The following MYO10 variants were observed in gnomAD, a reference collection of about 807,000 sequenced individuals.
MYO10 encodes unconventional myosin-X.
Under a neutral mutation model 257.3 loss-of-function variants are expected in MYO10, and 133 were observed. The ratio of observed to expected loss-of-function variants is 0.52; its 90% CI spans 0.45 to 0.60. The LOEUF (loss-of-function observed/expected upper bound fraction) is 0.60. Ranked by LOEUF, MYO10 falls within the 20% of genes least tolerant of loss-of-function variation. MYO10 has a pLI of 0.00. For synonymous variants in MYO10, 1,104 were observed against 1,028.6 expected, an observed-to-expected ratio of 1.07 and a Z score of -1.40; for missense variants, 2,399 against 2,635.7, an observed-to-expected ratio of 0.91 and a Z score of 1.97.
intron 10 of MYO10, among the ~76,000 whole-genome samples, chr5:16,767,263 T>A (rs980158851): frequency 6.8e-6 from 1 of 147,964 alleles, no homozygotes; most frequent in Admixed American, 6.9e-5. Context: ...CTCCGCGTCC[T>A]GGGTTCAAGC....
chr5:16,695,289 G>A (rs557682399), intron 26 of MYO10, among the ~76,000 whole-genome samples: 9 of 152,248 alleles, frequency 5.9e-5, no homozygotes, highest in African/African-American at 2.2e-4. Context: ...AGCAGAGATT[G>A]TACCACTAGA....
At chr5:16,874,523 A>G (rs1447731765) in intron 2 of MYO10, among the ~76,000 whole-genome samples, 1 of 152,138 alleles carries the variant, frequency 6.6e-6, no homozygotes, top group Non-Finnish European at 1.5e-5. Flanking sequence ...TCAAGTTTGA[A>G]GTTCCAGAAA....
chr5:16,785,002 T>C (rs1041089507), intron 4 of MYO10, among the ~76,000 whole-genome samples: 1 of 151,800 alleles, frequency 6.6e-6, no homozygotes, highest in Non-Finnish European at 1.5e-5. Context: ...AGGGGAGGTT[T>C]GCGCGCACAC....
chr5:16,714,366 A>C lies in MYO10; in HGVS notation c.1930-3121T>G, dbSNP rs78180108. On this transcript the variant is annotated intron_variant, in intron 19 of 40. Coordinates refer to ENST00000513610, the MANE Select transcript of MYO10 (RefSeq NM_012334.3). ...CAGTCAACAGGATGGGATGGAACAG[A>C]GGGGGAAGGACCTGGGTGGAAGATG... 5.3e-3 allele frequency among the ~76,000 whole-genome samples: 800 copies of C among 152,068 alleles called. 11 individuals are homozygous for C. Among genetic ancestry groups the C allele is most frequent in the African/African-American group, 0.019 (770 of 41,470 alleles).
chr5:16,684,343 A>C (rs1212010910), intron 29 of MYO10, among the ~76,000 whole-genome samples: 1 of 152,114 alleles, frequency 6.6e-6, no homozygotes, highest in East Asian at 1.9e-4. Context: ...TCCAGGTTCA[A>C]GTGATTCTCG....
In MYO10 at chr5:16,663,905, G is replaced by C. The variant is rs1366388117; in HGVS notation, c.*2787C>G. 1 of 128,060 alleles carries C rather than the reference G, an allele frequency of 7.8e-6. No individual in the cohort carries two copies. Among genetic ancestry groups the C allele is most frequent in the East Asian group, 2.6e-4 (1 of 3,788 alleles). 7.9% of individuals were successfully genotyped at this position (128,060 alleles called of 1,614,324 possible). On this transcript the variant is annotated 3_prime_UTR_variant, in exon 41 of 41. Transcript: ENST00000513610. ...TGTATCCTCAGGGGTGGGGGGAGGG[G>C]GTCCTGGAACCAATCTCCCTTGGAT...
intron 22 of MYO10, among the ~76,000 whole-genome samples, chr5:16,704,169 T>C (rs1290620570): frequency 6.6e-6 from 1 of 151,800 alleles, no homozygotes; most frequent in African/African-American, 2.4e-5. Flanking sequence ...AAAAAATTTT[T>C]TTTTAATTAG....
At chr5:16,724,136 C>A (rs1429277965) in intron 19 of MYO10, among the ~76,000 whole-genome samples, 4 of 152,162 alleles carry the variant, frequency 2.6e-5, no homozygotes, top group African/African-American at 9.7e-5. Context: ...AATGAATCGA[C>A]CTCACTAAAC....
chr5:16,722,882 A>G (rs1455360288), intron 19 of MYO10, among the ~76,000 whole-genome samples: 1 of 152,236 alleles, frequency 6.6e-6, no homozygotes, highest in Non-Finnish European at 1.5e-5. Flanking sequence ...TGTTAAGGCA[A>G]TGAAAGACAA....
intron 2 of MYO10, among the ~76,000 whole-genome samples, chr5:16,869,944 A>AG (rs1744404427): frequency 9.1e-6 from 1 of 110,098 alleles, no homozygotes; most frequent in Non-Finnish European, 1.9e-5. Flanking sequence ...GGGGAGGGGG[A>AG]GGGGAAAAAA....
intron 40 of MYO10, 105 bp downstream of exon 40, chr5:16,668,172 A>C: frequency 7.8e-7 from 1 of 1,276,766 alleles, no homozygotes; most frequent in Non-Finnish European, 1.1e-6. Flanking sequence ...TTTGAAGAAA[A>C]ATATTCAAAG....
Position 16,935,994 on chromosome 5 carries a change from T to C in MYO10, c.-186A>G. 1.5e-6 allele frequency: 1 copy of C among 667,418 alleles called. No individual in the cohort carries two copies. Among genetic ancestry groups the C allele is most frequent in the Non-Finnish European group, 2.6e-6 (1 of 387,936 alleles). 41.3% of individuals were successfully genotyped at this position (667,418 alleles called of 1,614,324 possible). ...CACCTTTTGTTCGCCCAAACCCAAG[T>C]CCCTAACTCGCCCGTCCCGACGGCA... On this transcript the variant is annotated 5_prime_UTR_variant, in exon 1 of 41. Coordinates refer to ENST00000513610, the MANE Select transcript of MYO10 (RefSeq NM_012334.3).
At chr5:16,893,253 A>G (rs1038293177) in intron 1 of MYO10, among the ~76,000 whole-genome samples, 1 of 150,522 alleles carries the variant, frequency 6.6e-6, no homozygotes, top group African/African-American at 2.4e-5. Context: ...CAGAAAAGCG[A>G]TAAGGAGGCT....
intron 3 of MYO10, among the ~76,000 whole-genome samples, chr5:16,817,515 C>G (rs1742660786): frequency 2.0e-5 from 3 of 152,172 alleles, no homozygotes; most frequent in Non-Finnish European, 2.9e-5. Context: ...AAATAGCAAA[C>G]AGGAATCCCA....
intron 39 of MYO10, 151 bp downstream of exon 39, chr5:16,670,375 G>A (rs1736388386): frequency 1.6e-6 from 1 of 610,962 alleles, no homozygotes; most frequent in East Asian, 2.8e-5. Context: ...GAGAAGGGAG[G>A]CGTTAATGGT....
At chr5:16,864,189 C>T (rs540422165) in intron 2 of MYO10, among the ~76,000 whole-genome samples, 1 of 145,936 alleles carries the variant, frequency 6.9e-6, no homozygotes, top group Admixed American at 6.9e-5. Context: ...CCTTTTAAGA[C>T]TTGTAACTTC....
In MYO10 at chr5:16,694,419, T is replaced by C. The variant is rs2126530871; in HGVS notation, c.3752A>G (p.Asn1251Ser). 2 of 1,613,996 alleles carry C rather than the reference T, an allele frequency of 1.2e-6. No individual in the cohort carries two copies. Among genetic ancestry groups the C allele is most frequent in the East Asian group, 2.2e-5 (1 of 44,878 alleles). ...GCCCTTGAGCTTCTCCTCGCTGTCG[T>C]TTTCAAAGTACATCAGCTTGGACTG... ...LRQSKLMYFE[N>S]DSEEKLKGTV... Residue 1251 changes from asparagine (N) to serine (S), a missense_variant, in exon 27 of 41, where the codon AAC becomes AGC. Asn to Ser is a conservative substitution (Grantham distance 46). Around this residue, in one of 3 missense-constraint regions of MYO10, gnomAD observed 1,820 missense variants for 1,939.4 expected, o/e 0.94. Transcript: ENST00000513610.
intron 3 of MYO10, among the ~76,000 whole-genome samples, chr5:16,816,696 A>G (rs1189192223): frequency 6.6e-6 from 1 of 151,178 alleles, no homozygotes; most frequent in Non-Finnish European, 1.5e-5. Context: ...ACGCCCAGCT[A>G]ATTTTTGTAT....
At chr5:16,891,536 A>G (rs1194432603) in intron 1 of MYO10, among the ~76,000 whole-genome samples, 1 of 152,124 alleles carries the variant, frequency 6.6e-6, no homozygotes, top group Non-Finnish European at 1.5e-5. Context: ...GGAAAATGTG[A>G]TAAAATTAGA....
Sources: gnomAD v4.1 joint callset for allele counts (sites outside exome capture counted in the v4.1 genomes callset) on GRCh38, gnomAD v4.1.1 for gene constraint, gnomAD v4.1.1 regional missense constraint, MANE v1.5 for transcripts, NCBI Gene and HGNC (gene_info 2026-07-23, HGNC 2026-07-21) for gene names.